The following XXYLT1 variants were observed in gnomAD, a reference collection of about 807,000 sequenced individuals.
XXYLT1 encodes xyloside xylosyltransferase 1.
Under a neutral mutation model 28.9 loss-of-function variants are expected in XXYLT1, and 20 were observed. The observed-to-expected ratio is 0.69, with a 90% confidence interval of 0.49 to 1.00. The LOEUF is 1.00. XXYLT1 is among the 50% of genes least tolerant of loss of function. The pLI, the probability that XXYLT1 is intolerant of heterozygous loss-of-function variation, is 0.00. For synonymous variants in XXYLT1, 257 were observed against 253.8 expected, an observed-to-expected ratio of 1.01 and a Z score of -0.12; for missense variants, 542 against 560.1, an observed-to-expected ratio of 0.97 and a Z score of 0.33.
chr3:195,105,257 T>C (rs1191598486), intron 3 of XXYLT1, among the ~76,000 whole-genome samples: 1 of 152,178 alleles, frequency 6.6e-6, no homozygotes, highest in Non-Finnish European at 1.5e-5. Context: ...ATCTAAATGG[T>C]TTATGAAAAA....
At chr3:195,166,509 C>G (rs1012386972) in intron 2 of XXYLT1, among the ~76,000 whole-genome samples, 9 of 152,300 alleles carry the variant, frequency 5.9e-5, no homozygotes, top group Non-Finnish European at 8.8e-5. Context: ...CACCCCAATA[C>G]TATTTCATCC....
At chr3:195,222,032 T>A (rs905788304) in intron 2 of XXYLT1, among the ~76,000 whole-genome samples, 5 of 152,218 alleles carry the variant, frequency 3.3e-5, no homozygotes, top group Admixed American at 3.3e-4. Context: ...TGGGCGCTCC[T>A]GCTCCAAGGG....
At chr3:195,213,263 CTTTTT>C (rs924778735) in intron 2 of XXYLT1, among the ~76,000 whole-genome samples, 2 of 129,044 alleles carry the variant, frequency 1.5e-5, no homozygotes, top group African/African-American at 3.2e-5. Flanking sequence ...TTCTTTCTTT[CTTTTT>C]TTTTTTTTTT....
intron 3 of XXYLT1, among the ~76,000 whole-genome samples, chr3:195,155,062 C>T (rs1359824863): frequency 6.6e-6 from 1 of 152,212 alleles, no homozygotes; most frequent in Non-Finnish European, 1.5e-5. Context: ...AGGAAGAGGC[C>T]TACCCAGTGA....
At chr3:195,260,875 C>A (rs1039459957) in intron 1 of XXYLT1, among the ~76,000 whole-genome samples, 3 of 152,216 alleles carry the variant, frequency 2.0e-5, no homozygotes, top group Non-Finnish European at 2.9e-5. Context: ...AGCTGCACTC[C>A]CAGAAAGCGC....
rs188808215 is a variant in XXYLT1 at position 195,095,111 on chromosome 3, G to A, written c.786-25000C>T. Among the ~76,000 whole-genome samples, 710 of 152,360 alleles carry A rather than the reference G, an allele frequency of 4.7e-3. 4 individuals carry two copies. The highest frequency in any genetic ancestry group is 0.017 in the African/African-American group (695 of 41,586). The stretch of plus-strand genomic sequence containing the variant: ...CACTTTTGAGTAGTGAGAAGGTGGA[G>A]GTAAGAGTGAGGACTCTGAGTCAGG... On this transcript the variant is annotated intron_variant, in intron 3 of 3. Transcript: ENST00000310380.
intron 1 of XXYLT1, among the ~76,000 whole-genome samples, chr3:195,250,805 C>T (rs912807742): frequency 6.6e-6 from 1 of 152,212 alleles, no homozygotes; most frequent in South Asian, 2.1e-4. Flanking sequence ...CGCTACAAGG[C>T]AGGGACTTTT....
chr3:195,177,551 C>A (rs1348753910), intron 2 of XXYLT1, among the ~76,000 whole-genome samples: 1 of 152,128 alleles, frequency 6.6e-6, no homozygotes, highest in Non-Finnish European at 1.5e-5. Context: ...TTGGGCTGAA[C>A]ATGAAAGCCC....
At chr3:195,074,668 C>T (rs559854225) in intron 3 of XXYLT1, among the ~76,000 whole-genome samples, 3 of 152,314 alleles carry the variant, frequency 2.0e-5, no homozygotes, top group African/African-American at 7.2e-5. Flanking sequence ...TGGGTGATGT[C>T]GGCTAATTTC....
chr3:195,258,473 T>A (rs560113490), intron 1 of XXYLT1, among the ~76,000 whole-genome samples: 4 of 152,136 alleles, frequency 2.6e-5, no homozygotes, highest in African/African-American at 4.8e-5. Context: ...AATTGTATAA[T>A]TGTGCACCAT....
chr3:195,165,435 G>A (rs1032697846), intron 2 of XXYLT1, among the ~76,000 whole-genome samples: 5 of 152,210 alleles, frequency 3.3e-5, no homozygotes, highest in South Asian at 2.1e-4. Context: ...CAGCCACAGC[G>A]CCTGACTTCT....
chr3:195,163,307 C>G (rs1391046783), intron 2 of XXYLT1, among the ~76,000 whole-genome samples: 1 of 152,218 alleles, frequency 6.6e-6, no homozygotes, highest in Non-Finnish European at 1.5e-5. Flanking sequence ...TCCAACCACT[C>G]TCTCCCTCTT....
chr3:195,165,394 G>A (rs1053717759), intron 2 of XXYLT1, among the ~76,000 whole-genome samples: 6 of 152,102 alleles, frequency 3.9e-5, no homozygotes, highest in Admixed American at 2.6e-4. Context: ...GAGAACAGCC[G>A]GCTTCTCAGC....
At chr3:195,196,637 C>A (rs541967007) in intron 2 of XXYLT1, among the ~76,000 whole-genome samples, 1 of 152,338 alleles carries the variant, frequency 6.6e-6, no homozygotes, top group East Asian at 1.9e-4. Flanking sequence ...CCTCTGCCTT[C>A]TCTGTTTAAA....
chr3:195,214,362 G>C (rs1723464572), intron 2 of XXYLT1, among the ~76,000 whole-genome samples: 1 of 152,082 alleles, frequency 6.6e-6, no homozygotes, highest in African/African-American at 2.4e-5. Flanking sequence ...CCCTGCATCA[G>C]CCAACCAGGA....
intron 1 of XXYLT1, among the ~76,000 whole-genome samples, chr3:195,231,380 C>T (rs760985971): frequency 2.6e-4 from 40 of 152,018 alleles, no homozygotes; most frequent in Non-Finnish European, 8.8e-5. Context: ...GGCTTTATGT[C>T]GTTCTCTTGT....
chr3:195,110,529 ACGTGTGCGTGTGTGTGG>A (rs1717582674), intron 3 of XXYLT1, among the ~76,000 whole-genome samples: 3 of 21,138 alleles, frequency 1.4e-4, no homozygotes, highest in Non-Finnish European at 1.9e-4. Flanking sequence ...TGCGTGGTGT[ACGTGTGCGTGTGTGTGG>A]TGTGTGTGTG....
intron 1 of XXYLT1, among the ~76,000 whole-genome samples, chr3:195,262,944 C>T (rs1418980985): frequency 6.6e-6 from 1 of 152,246 alleles, no homozygotes; most frequent in African/African-American, 2.4e-5. Context: ...CAAAGAGCCT[C>T]TCCCTTCAGG....
chr3:195,200,207 C>T (rs1375838293), intron 2 of XXYLT1, among the ~76,000 whole-genome samples: 5 of 152,160 alleles, frequency 3.3e-5, no homozygotes, highest in African/African-American at 7.2e-5. Context: ...CCAGATCTGG[C>T]GCTCTGGAAA....
Sources: allele counts gnomAD v4.1 joint callset (sites outside exome capture counted in the v4.1 genomes callset), GRCh38; gene constraint gnomAD v4.1.1; transcripts MANE v1.5; gene names NCBI Gene and HGNC (gene_info 2026-07-23, HGNC 2026-07-21).